The following PCDHA2 variants were observed in gnomAD, a reference collection of about 807,000 sequenced individuals.
PCDHA2 encodes protocadherin alpha-2.
PCDHA2 carries 58 observed loss-of-function variants against 66.0 expected under a neutral mutation model. The ratio of observed to expected loss-of-function variants is 0.88; its 90% CI spans 0.71 to 1.09. The LOEUF is 1.09. Among genes scored for constraint, PCDHA2 ranks in the 50% least tolerant of loss-of-function variants. The probability of loss-of-function intolerance (pLI) is 0.00; values close to 1 mark genes in which losing one functional copy is unlikely to be tolerated. For missense variants in PCDHA2, 1,267 were observed against 1,242.3 expected, an observed-to-expected ratio of 1.02 and a Z score of -0.30; for synonymous variants, 634 against 554.0, an observed-to-expected ratio of 1.14 and a Z score of -2.03.
Position 140,795,753 on chromosome 5 carries a change from G to A in PCDHA2, c.789G>A (p.Lys263=). 1 of 1,614,060 alleles carries A rather than the reference G, an allele frequency of 6.2e-7. No individual in the cohort carries two copies. Among genetic ancestry groups the A allele is most frequent in the Non-Finnish European group, 8.5e-7 (1 of 1,180,010 alleles). The change falls in exon 1 of 4, where the codon AAG becomes AAA. Residue 263 remains lysine (K), a synonymous_variant. Coordinates refer to ENST00000526136, the MANE Select transcript of PCDHA2 (RefSeq NM_018905.3). ...ENTANGTLVV[K]LNASDADEGP... ...CGGCAAATGGGACCTTAGTGGTTAAGTTAAACGCTTCTGATGCAGATGAAG... is the reference window on the plus strand; with the variant it reads ...CGGCAAATGGGACCTTAGTGGTTAAATTAAACGCTTCTGATGCAGATGAAG...
chr5:140,966,659 G>T, intron 1 of PCDHA2: 1 of 1,217,656 alleles, frequency 8.2e-7, no homozygotes, highest in South Asian at 2.0e-5. Flanking sequence ...AGCGGTGGGG[G>T]AGCAGGCGCA....
At chr5:140,836,897 G>A (rs1466903226) in intron 1 of PCDHA2, 3 of 603,578 alleles carry the variant, frequency 5.0e-6, no homozygotes, top group South Asian at 2.7e-5. Flanking sequence ...TTGGAAGTAC[G>A]TTTAATATAC....
intron 1 of PCDHA2, among the ~76,000 whole-genome samples, chr5:140,840,609 G>A (rs1554137827): frequency 1.3e-5 from 2 of 151,994 alleles, no homozygotes; most frequent in Admixed American, 1.3e-4. Context: ...TAAGTGAGAG[G>A]CTGAATTTAA....
chr5:140,801,783 T>C (rs561536628), intron 1 of PCDHA2: 19 of 1,613,816 alleles, frequency 1.2e-5, no homozygotes, highest in Admixed American at 5.0e-5. Flanking sequence ...TGGACTCGTG[T>C]TGAAAAAAAA....
At chr5:140,886,830 A>G (rs2061165550) in intron 1 of PCDHA2, among the ~76,000 whole-genome samples, 1 of 150,424 alleles carries the variant, frequency 6.6e-6, no homozygotes, top group Non-Finnish European at 1.5e-5. Flanking sequence ...TCGTCTTGAA[A>G]AAAAAAAAAA....
Position 140,795,626 on chromosome 5 carries a change from AG to A in PCDHA2, c.663del (p.Glu221AspfsTer13). On this transcript the variant is annotated frameshift_variant, in exon 1 of 4. Transcript: ENST00000526136. LOFTEE classifies it high-confidence loss of function. ...GTGGCTACTGATGGGGGCAAACCTG[AG>A]CTCACGGGCACCGTTCAAATACTTA... ...LLVATDGGKPELTGTVQILIK... is the reference protein window; with the variant it reads ...LLVATDGGKPXLTGTVQILIK... 6.2e-7 allele frequency: 1 copy of A among 1,614,200 alleles called. No homozygotes were observed. Among genetic ancestry groups the A allele is most frequent in the Non-Finnish European group, 8.5e-7 (1 of 1,180,034 alleles).
chr5:140,869,745 T>C (rs1407210744), intron 1 of PCDHA2: 3 of 1,613,220 alleles, frequency 1.9e-6, no homozygotes, highest in Non-Finnish European at 2.5e-6. Context: ...TGCTAACAGC[T>C]ACAGACGGGG....
intron 1 of PCDHA2, chr5:140,823,006 G>A: frequency 6.2e-7 from 1 of 1,614,228 alleles, no homozygotes; most frequent in South Asian, 1.1e-5. Context: ...GCTGGACAGC[G>A]CCCTGGACCG....
intron 1 of PCDHA2, chr5:140,883,520 G>T (rs1554178526): frequency 6.2e-7 from 1 of 1,614,104 alleles, no homozygotes; most frequent in African/African-American, 1.3e-5. Context: ...CCGCGAGAGC[G>T]TATCAGCCTA....
In PCDHA2 at chr5:140,976,792, T is replaced by C. The variant is rs982135806; in HGVS notation, c.2389-2157T>C. 2.1e-4 allele frequency among the ~76,000 whole-genome samples: 32 copies of C among 152,216 alleles called. 1 individual carries two copies. The highest frequency in any genetic ancestry group is 1.0e-3 in the Admixed American group (16 of 15,274). ...AGACTCTGACTATATAGCTACGCTT[T>C]TATGAATATCTGAAGATATGCATGT... On this transcript the variant is annotated intron_variant, in intron 1 of 3. Coordinates refer to ENST00000526136, the MANE Select transcript of PCDHA2 (RefSeq NM_018905.3).
chr5:140,967,749 C>G (rs1554229896), intron 1 of PCDHA2: 1 of 1,614,172 alleles, frequency 6.2e-7, no homozygotes, highest in Non-Finnish European at 8.5e-7. Context: ...TATGAGGAAG[C>G]CTCCTCCTAC....
chr5:140,843,630 T>C (rs1554140293), intron 1 of PCDHA2: 3 of 1,595,936 alleles, frequency 1.9e-6, no homozygotes, highest in Non-Finnish European at 2.6e-6. Flanking sequence ...ACGGACCTCA[T>C]GGCCTTCAGC....
intron 1 of PCDHA2, among the ~76,000 whole-genome samples, chr5:140,891,658 C>T (rs1241439148): frequency 6.6e-6 from 1 of 151,928 alleles, no homozygotes; most frequent in Non-Finnish European, 1.5e-5. Context: ...GATAGTTCAC[C>T]CACCTTAAAG....
intron 1 of PCDHA2, among the ~76,000 whole-genome samples, chr5:140,820,180 G>A (rs1766704546): frequency 6.6e-6 from 1 of 151,862 alleles, no homozygotes; most frequent in Non-Finnish European, 1.5e-5. Flanking sequence ...AATAGTCTGG[G>A]AAATTGATTT....
At chr5:140,880,042 G>A (rs530262393) in intron 1 of PCDHA2, among the ~76,000 whole-genome samples, 3 of 152,208 alleles carry the variant, frequency 2.0e-5, no homozygotes, top group Non-Finnish European at 4.4e-5. Flanking sequence ...CAGGGATTAA[G>A]ATGTGGGCAT....
At chr5:140,839,890 G>A (rs1168165739) in intron 1 of PCDHA2, among the ~76,000 whole-genome samples, 3 of 151,956 alleles carry the variant, frequency 2.0e-5, no homozygotes, top group African/African-American at 7.3e-5. Flanking sequence ...AATTTTGACA[G>A]AAAAAGATGA....
intron 1 of PCDHA2, chr5:140,825,213 G>T (rs989046877): frequency 6.6e-6 from 1 of 151,464 alleles, no homozygotes; most frequent in African/African-American, 2.4e-5. Context: ...TACTGAAGTA[G>T]ATTTGTTTTT....
chr5:140,927,357 C>A, intron 1 of PCDHA2: 1 of 1,614,052 alleles, frequency 6.2e-7, no homozygotes, highest in South Asian at 1.1e-5. Context: ...ACGAGGGAAG[C>A]AATGGGATAC....
chr5:140,982,154 G>A (rs1304368371), intron 2 of PCDHA2, among the ~76,000 whole-genome samples: 3 of 152,210 alleles, frequency 2.0e-5, no homozygotes, highest in East Asian at 1.9e-4. Flanking sequence ...CTTCAGTATC[G>A]AGATGTTAAA....
Sources: gnomAD v4.1 joint callset for allele counts (sites outside exome capture counted in the v4.1 genomes callset) on GRCh38, gnomAD v4.1.1 for gene constraint, MANE v1.5 for transcripts, NCBI Gene and HGNC (gene_info 2026-07-23, HGNC 2026-07-21) for gene names.